Variants in UGGT2 observed in about 807,000 individuals in gnomAD.
UGGT2 encodes the protein UDP-glucose glycoprotein glucosyltransferase 2.
A neutral mutation model predicts 192.1 loss-of-function variants in UGGT2; 180 were observed. The ratio of observed to expected loss-of-function variants is 0.94; its 90% confidence interval spans 0.83 to 1.06. The LOEUF is 1.06. Ranked by LOEUF, UGGT2 falls within the 50% of genes least tolerant of loss-of-function variation. The pLI, the probability that UGGT2 is intolerant of heterozygous loss-of-function variation, is 0.00. For missense variants in UGGT2, 1,849 were observed against 1,795.7 expected (o/e 1.03, Z -0.54); for synonymous variants, 580 against 591.0 (o/e 0.98, Z 0.27).
chr13:95,964,098 T>A (rs1373963185), intron 12 of UGGT2, among the ~76,000 whole-genome samples: 1 of 152,024 alleles, frequency 6.6e-6, no homozygotes, highest in African/African-American at 2.4e-5. Flanking sequence ...CAAAACAGCA[T>A]GGTATTGATA....
intron 20 of UGGT2, among the ~76,000 whole-genome samples, chr13:95,907,744 C>A (rs926725802): frequency 6.6e-6 from 1 of 152,174 alleles, no homozygotes; most frequent in African/African-American, 2.4e-5. Context: ...ATCTGTAGGT[C>A]ACCAACATCA....
At chr13:96,050,131 G>A (rs1021820101) in intron 1 of UGGT2, among the ~76,000 whole-genome samples, 2 of 152,136 alleles carry the variant, frequency 1.3e-5, no homozygotes, top group Admixed American at 1.3e-4. Flanking sequence ...CCAAAATAGA[G>A]ATATAGACCA....
rs761060401 is a variant in UGGT2 at position 95,894,676 on chromosome 13, CAG to C, written c.2760-21_2760-20del. On this transcript the variant is annotated intron_variant, in intron 23 of 38. Transcript: ENST00000376747. Reference sequence around the variant, plus strand: ...ACTCATGCTAGATAAACAAGACAAACAGTGTATGAGTTTTTTGGAAAGAGTTC... The same window carrying C: ...ACTCATGCTAGATAAACAAGACAAACTGTATGAGTTTTTTGGAAAGAGTTC... 2.8e-5 allele frequency: 45 copies of C among 1,595,652 alleles called. No individual in the cohort carries two copies. In the African/African-American group the frequency reaches 5.9e-4, roughly 21 times the overall value.
chr13:95,935,489 T>C (rs2049433662), intron 17 of UGGT2, among the ~76,000 whole-genome samples: 1 of 152,176 alleles, frequency 6.6e-6, no homozygotes, highest in African/African-American at 2.4e-5. Context: ...ATGCTGAAAA[T>C]AGACCACTGT....
chr13:95,941,595 T>C (rs1336313210), intron 15 of UGGT2, among the ~76,000 whole-genome samples: 1 of 152,166 alleles, frequency 6.6e-6, no homozygotes, highest in Non-Finnish European at 1.5e-5. Context: ...AGATTAGTCA[T>C]TTTACTAACT....
chr13:95,925,865 A>T (rs1242994750), intron 19 of UGGT2, 91 bp from the exon 20 acceptor site: 7 of 773,242 alleles, frequency 9.1e-6, no homozygotes, highest in Non-Finnish European at 1.1e-5. Context: ...ACATTAAAAA[A>T]AATTAAAATA....
At chr13:95,882,002 G>A (rs895754704) in intron 27 of UGGT2, among the ~76,000 whole-genome samples, 1 of 151,192 alleles carries the variant, frequency 6.6e-6, no homozygotes, top group East Asian at 1.9e-4. Flanking sequence ...TCTACCTCCC[G>A]GATTCAAGCA....
In UGGT2 at chr13:96,013,303, A is replaced by G. The variant is rs373738304; in HGVS notation, c.660+4T>C. 56 of 1,569,772 alleles carry G rather than the reference A, an allele frequency of 3.6e-5. 1 individual carries two copies. The South Asian group carries it at 6.9e-4, about 19-fold the overall frequency. ...AAGCAACCTTGGAAAAAACAAGCGCATACCTGAATATAATGGCGAAGAACA... is the reference window on the plus strand; with the variant it reads ...AAGCAACCTTGGAAAAAACAAGCGCGTACCTGAATATAATGGCGAAGAACA... On this transcript the variant is annotated splice_donor_region_variant and intron_variant, in intron 5 of 38. Coordinates refer to ENST00000376747, the MANE Select transcript of UGGT2 (RefSeq NM_020121.4).
chr13:95,819,743 A>G lies in UGGT2; in HGVS notation c.4528+13184T>C, dbSNP rs145090849. On this transcript the variant is annotated intron_variant, in intron 38 of 38. Transcript: ENST00000376747. ...AGAAAACATAAAGGCTCTTTCACAT[A>G]GGAAAACATCAGTCTTCATTATACA... Among the ~76,000 whole-genome samples, 625 of 152,374 alleles carry G rather than the reference A, an allele frequency of 4.1e-3. 1 individual carries two copies. The highest frequency in any genetic ancestry group is 8.0e-3 in the Non-Finnish European group (544 of 68,036).
rs33949518 is a variant in UGGT2 at position 95,902,895 on chromosome 13, C to T, written c.2461G>A (p.Ala821Thr). 243,936 of 1,613,074 alleles carry T rather than the reference C, an allele frequency of 0.15. 19,469 individuals are homozygous for T. The highest frequency in any genetic ancestry group is 0.21 in the Middle Eastern group (1,245 of 6,052). ...TTAATTTTATCTCCAGAGTAAATAG[C>T]TGTAGCAATTTCTTCCTTTGCCAGT... ...GQLAKEEIATAIYSGDKIKTF... is the reference protein window; with the variant it reads ...GQLAKEEIATTIYSGDKIKTF... The change falls in exon 21 of 39, where the codon GCT becomes ACT. Residue 821 changes from alanine (A) to threonine (T), a missense_variant. Coordinates refer to ENST00000376747, the MANE Select transcript of UGGT2 (RefSeq NM_020121.4).
chr13:95,864,327 C>T (rs1330798415), intron 30 of UGGT2, among the ~76,000 whole-genome samples: 2 of 152,112 alleles, frequency 1.3e-5, no homozygotes, highest in Admixed American at 6.6e-5. Context: ...GTTCAGTAGA[C>T]ATAATTGTTG....
chr13:95,855,731 T>C (rs1889544404), intron 34 of UGGT2, among the ~76,000 whole-genome samples: 1 of 152,144 alleles, frequency 6.6e-6, no homozygotes, highest in Non-Finnish European at 1.5e-5. Flanking sequence ...AATTTGGTTA[T>C]TGGTTGAATG....
chr13:95,909,334 A>G (rs964655231), intron 20 of UGGT2, among the ~76,000 whole-genome samples: 14 of 152,004 alleles, frequency 9.2e-5, no homozygotes, highest in Non-Finnish European at 2.1e-4. Context: ...TCACAATAGC[A>G]AAGACTTGGA....
intron 33 of UGGT2, 44 bp downstream of exon 33, chr13:95,859,547 C>T (rs756730684): frequency 7.3e-7 from 1 of 1,366,792 alleles, no homozygotes; most frequent in Non-Finnish European, 1.0e-6. Context: ...AAATAATTTA[C>T]TATTCAAACA....
intron 38 of UGGT2, among the ~76,000 whole-genome samples, chr13:95,831,258 C>T (rs1886651809): frequency 6.6e-6 from 1 of 152,048 alleles, no homozygotes; most frequent in Admixed American, 6.6e-5. Flanking sequence ...CACATATACC[C>T]TAGAACTTAA....
intron 1 of UGGT2, 66 bp downstream of exon 1, chr13:96,053,089 A>G: frequency 7.1e-7 from 1 of 1,401,680 alleles, no homozygotes; most frequent in Non-Finnish European, 9.2e-7. Flanking sequence ...GCGAGCACGA[A>G]GAAAGCGCGG....
chr13:95,954,770 T>C (rs2050164869), intron 12 of UGGT2, among the ~76,000 whole-genome samples: 1 of 152,224 alleles, frequency 6.6e-6, no homozygotes, highest in South Asian at 2.1e-4. Context: ...CAAGTTGTAG[T>C]TTGACCACCT....
rs554859921 is a variant in UGGT2 at position 95,948,013 on chromosome 13, A to G, written c.1524T>C (p.Ser508=). 22 of 1,612,966 alleles carry G rather than the reference A, an allele frequency of 1.4e-5. No homozygotes were observed. In the African/African-American group the frequency reaches 2.7e-4, roughly 20 times the overall value. Residue 508 remains serine (S), a synonymous_variant, in exon 14 of 39, where the codon TCT becomes TCC. Coordinates refer to ENST00000376747, the MANE Select transcript of UGGT2 (RefSeq NM_020121.4). Reference sequence around the variant, plus strand: ...ACAATTACCTAAGAGGAACTTCGTGAGAATAGAAAACATCAGCAAGTTTTA... The same window carrying G: ...ACAATTACCTAAGAGGAACTTCGTGGGAATAGAAAACATCAGCAAGTTTTA... ...DFIKLADVFY[S]HEVPLRIGFV...
intron 8 of UGGT2, among the ~76,000 whole-genome samples, chr13:95,987,838 C>T (rs1432090615): frequency 6.6e-6 from 1 of 152,058 alleles, no homozygotes; most frequent in Non-Finnish European, 1.5e-5. Flanking sequence ...TTTGTTTGCC[C>T]CCCGCATCCA....
Sources: allele counts gnomAD v4.1 joint callset (sites outside exome capture counted in the v4.1 genomes callset), GRCh38; gene constraint gnomAD v4.1.1; transcripts MANE v1.5; gene names NCBI Gene and HGNC (gene_info 2026-07-23, HGNC 2026-07-21).